Variants in ZFP64 observed in about 807,000 individuals in gnomAD.
The protein encoded by ZFP64 is zinc finger protein 64.
ZFP64 carries 14 observed loss-of-function variants against 51.6 expected under a neutral mutation model. The observed-to-expected ratio is 0.27, with a 90% CI of 0.18 to 0.42. The LOEUF (loss-of-function observed/expected upper bound fraction) is 0.42. ZFP64 is among the 10% of genes least tolerant of loss of function. The probability of loss-of-function intolerance (pLI) is 1.00; values close to 1 mark genes in which losing one functional copy is unlikely to be tolerated. For missense variants in ZFP64, 754 were observed against 906.8 expected (o/e 0.83, Z 2.16); for synonymous variants, 375 against 361.4 (o/e 1.04, Z -0.43).
intron 5 of ZFP64, among the ~76,000 whole-genome samples, chr20:52,131,244 G>A (rs1979709303): frequency 6.7e-6 from 1 of 149,654 alleles, no homozygotes; most frequent in African/African-American, 2.5e-5. Context: ...GGACGGGAAG[G>A]AAGGAAGAAA....
In ZFP64 at chr20:52,085,338, C is replaced by A; in HGVS notation, c.1229-72G>T. The stretch of plus-strand genomic sequence containing the variant: ...ACCCTCCCACCCCAACCTGCCTTAG[C>A]ACACTTGGCCGCCATGAGATGGTTG... On this transcript the variant is annotated intron_variant, in intron 8 of 8. Coordinates refer to the ZFP64 transcript ENST00000361387. This position sits in a 1 kb window ranked among gnomAD's most constrained non-coding sequence, Gnocchi z 4.3. 1 of 1,456,834 alleles carries A rather than the reference C, an allele frequency of 6.9e-7. No individual in the cohort carries two copies. 90.2% of individuals were successfully genotyped at this position (1,456,834 alleles called of 1,614,324 possible). A position where few individuals can be genotyped will look rare whatever the true frequency, so the allele number is the denominator to read the frequency against.
intron 4 of ZFP64, among the ~76,000 whole-genome samples, chr20:52,161,941 G>A (rs1981843381): frequency 6.6e-6 from 1 of 152,106 alleles, no homozygotes; most frequent in South Asian, 2.1e-4. Context: ...AATAGCCAAA[G>A]CTGATCACTG....
In ZFP64 at chr20:52,165,975, T is replaced by A; in HGVS notation, c.337A>T (p.Thr113Ser). 6.2e-7 allele frequency: 1 copy of A among 1,613,908 alleles called. No individual in the cohort carries two copies. Among genetic ancestry groups the A allele is most frequent in the Non-Finnish European group, 8.5e-7 (1 of 1,179,960 alleles). ...GCTGTCTGGTTTTCATTACTTTCCG[T>A]GGGCAGGTAAGTTTGATAGCCATGT... ...FEHGYQTYLP[T>S]ESNENQTATV... Residue 113 changes from threonine (T) to serine (S), a missense_variant, in exon 3 of 6, where the codon ACG (threonine) becomes TCG (serine). Physicochemically the swap from Thr to Ser is moderately conservative, Grantham distance 58 (BLOSUM62 1). Coordinates refer to ENST00000216923, the MANE Select transcript of ZFP64 (RefSeq NM_018197.3).
chr20:52,093,151 T>C (rs6096743), intron 7 of ZFP64, among the ~76,000 whole-genome samples: 39,681 of 151,912 alleles, frequency 0.26, 6,954 homozygotes, highest in African/African-American at 0.5. Context: ...AAATTTTTTT[T>C]TTTTTAATAG....
Position 52,152,147 on chromosome 20 carries a change from TA to T in ZFP64, c.2044del (p.Ter682SerfsTer3). The T allele has an allele frequency of 6.2e-7, 1 of 1,610,140 alleles. No homozygotes were observed. The highest frequency in any genetic ancestry group is 1.1e-5 in the South Asian group (1 of 90,982). The part of the protein sequence containing the change: ...LLCPADSIPD[*>X] ...CCACTCCTTTTGTTTTTTTAAGCAC[TA>T]ATCTGGAATGGAGTCGGCGGGACAG... On this transcript the variant is annotated frameshift_variant and stop_lost, in exon 6 of 6. Transcript: ENST00000216923. LOFTEE classifies it high-confidence loss of function.
At chr20:52,190,945 AGGTGGCT>A (rs575075411) in intron 1 of ZFP64, among the ~76,000 whole-genome samples, 80 of 152,240 alleles carry the variant, frequency 5.3e-4, no homozygotes, top group African/African-American at 1.8e-3. Flanking sequence ...TCTCGCTCCC[AGGTGGCT>A]GGTTGCACTC....
At chr20:52,111,664 C>T (rs1159465030) in intron 5 of ZFP64, among the ~76,000 whole-genome samples, 1 of 152,158 alleles carries the variant, frequency 6.6e-6, no homozygotes, top group African/African-American at 2.4e-5. Flanking sequence ...AGATAAACAG[C>T]ATACTTCTGA....
chr20:52,115,805 G>C lies in ZFP64; in HGVS notation c.764-17218C>G, dbSNP rs74274967. ...AATTTCTCTCTCTCTCTCTCTCTCT[G>C]TGTGTGTGAACATTATGCATAGTAA... On this transcript the variant is annotated intron_variant, in intron 5 of 8. Transcript: ENST00000361387. 7.3e-4 allele frequency among the ~76,000 whole-genome samples: 73 copies of C among 99,538 alleles called. 1 individual carries two copies. The highest frequency in any genetic ancestry group is 3.7e-3 in the Admixed American group (34 of 9,104). The allele number at this position is 99,538 out of a possible 152,430, so 65.3% of individuals were successfully genotyped here. A position where few individuals can be genotyped will look rare whatever the true frequency, so the allele number is the denominator to read the frequency against.
Position 52,152,827 on chromosome 20 carries a change from G to C in ZFP64, c.1365C>G (p.Asn455Lys). The change falls in exon 6 of 6, where the codon AAC becomes AAG. Residue 455 changes from asparagine to lysine, a missense_variant. Asn to Lys is a moderately conservative substitution (Grantham distance 94). Coordinates refer to ENST00000216923, the MANE Select transcript of ZFP64 (RefSeq NM_018197.3). ...RQHSEYSESKNSDVTVLQFQI... is the reference protein window; with the variant it reads ...RQHSEYSESKKSDVTVLQFQI... Reference sequence around the variant, plus strand: ...GAAACTGGAGAACGGTCACGTCCGAGTTCTTACTCTCACTGTACTCACTGT... The same window carrying C: ...GAAACTGGAGAACGGTCACGTCCGACTTCTTACTCTCACTGTACTCACTGT... 1 of 1,613,982 alleles carries C rather than the reference G, an allele frequency of 6.2e-7. No individual in the cohort carries two copies. Among genetic ancestry groups the C allele is most frequent in the Non-Finnish European group, 8.5e-7 (1 of 1,179,866 alleles).
At chr20:52,104,977 G>A (rs567277237) in intron 5 of ZFP64, 17 of 853,778 alleles carry the variant, frequency 2.0e-5, no homozygotes, top group East Asian at 5.4e-5. Context: ...AAAGGCGGGG[G>A]GCGGGGACGC....
chr20:52,096,745 T>A (rs773846319), intron 7 of ZFP64: 3 of 186,070 alleles, frequency 1.6e-5, no homozygotes, highest in Non-Finnish European at 3.5e-5. Context: ...AAAAATTAGC[T>A]GGGCAAGGTG....
At chr20:52,185,475 G>T (rs1431200712) in intron 2 of ZFP64, among the ~76,000 whole-genome samples, 13 of 143,634 alleles carry the variant, frequency 9.1e-5, no homozygotes, top group African/African-American at 3.6e-4. Context: ...CCCAGAAAAT[G>T]AAATCAGTGT....
intron 5 of ZFP64, among the ~76,000 whole-genome samples, chr20:52,109,780 C>CAAAAAAAAAAAAAA (rs779914417): frequency 2.2e-5 from 1 of 46,108 alleles, no homozygotes. Flanking sequence ...AATTCCACCT[C>CAAAAAAAAAAAAAA]AAAAAAAAAA....
intron 2 of ZFP64, among the ~76,000 whole-genome samples, chr20:52,185,871 G>A (rs536127161): frequency 9.2e-5 from 14 of 151,964 alleles, no homozygotes; most frequent in Non-Finnish European, 1.6e-4. Context: ...ATGAGCCACC[G>A]TGTCCAGGCT....
Position 52,111,157 on chromosome 20 carries a change from T to TG in ZFP64, c.764-12571dup, listed in dbSNP as rs549722483. ...ATCGCCGGGTTCCGCGACGGGGAGG[T>TG]GGGGAAGCCGTAGTGGAGAACGCCC... On this transcript the variant is annotated intron_variant, in intron 5 of 8. Coordinates refer to the ZFP64 transcript ENST00000361387. 5.5e-4 allele frequency: 368 copies of TG among 665,690 alleles called. 1 individual carries two copies. The African/African-American group carries it at 6.2e-3, about 11-fold the overall frequency. The allele number at this position is 665,690 out of a possible 1,614,324, so 41.2% of individuals were successfully genotyped here.
chr20:52,160,431 G>A lies in ZFP64; in HGVS notation c.512-57C>T. 6.5e-7 allele frequency: 1 copy of A among 1,539,932 alleles called. No homozygotes were observed. Among genetic ancestry groups the A allele is most frequent in the Non-Finnish European group, 8.7e-7 (1 of 1,146,708 alleles). ...GGAAACAAGATTAAAAAAGGAAAAG[G>A]CTTATTTCCCACTGCCTTACGAAAA... On this transcript the variant is annotated intron_variant, in intron 4 of 5. Coordinates refer to ENST00000216923, the MANE Select transcript of ZFP64 (RefSeq NM_018197.3). This position sits in a 1 kb window ranked among gnomAD's most constrained non-coding sequence, Gnocchi z 4.2.
chr20:52,168,753 G>A (rs113438569), intron 2 of ZFP64, among the ~76,000 whole-genome samples: 16 of 152,224 alleles, frequency 1.1e-4, no homozygotes, highest in East Asian at 1.9e-4. Flanking sequence ...ACCCCGTTAC[G>A]GTTTTCAGGC....
chr20:52,168,401 C>G (rs1234697150), intron 2 of ZFP64, among the ~76,000 whole-genome samples: 1 of 152,190 alleles, frequency 6.6e-6, no homozygotes, highest in African/African-American at 2.4e-5. Flanking sequence ...TCTCGCTCTG[C>G]TTGGTTCTCA....
chr20:52,120,422 G>C (rs1054608416), intron 5 of ZFP64, among the ~76,000 whole-genome samples: 2 of 152,152 alleles, frequency 1.3e-5, no homozygotes, highest in Admixed American at 6.6e-5. Flanking sequence ...TATGAGGATG[G>C]AAAGAGGGCA....
Sources: allele counts gnomAD v4.1 joint callset (sites outside exome capture counted in the v4.1 genomes callset), GRCh38; gene constraint gnomAD v4.1.1; non-coding constraint Gnocchi (gnomAD v3.1); transcripts MANE v1.5; gene names NCBI Gene and HGNC (gene_info 2026-07-23, HGNC 2026-07-21).